MTFMT: variants seen among roughly 807,000 people sequenced by gnomAD.
The protein encoded by MTFMT is methionyl-tRNA formyltransferase, mitochondrial.
Under a neutral mutation model 51.8 loss-of-function variants are expected in MTFMT, and 47 were observed. The ratio of observed to expected loss-of-function variants is 0.91; its 90% CI spans 0.72 to 1.16. MTFMT has a LOEUF of 1.16. MTFMT is among the 50% of genes most tolerant of loss of function. MTFMT has a pLI of 0.00. For missense variants in MTFMT, 512 were observed against 482.3 expected, an observed-to-expected ratio of 1.06 and a Z score of -0.58; for synonymous variants, 196 against 176.7, an observed-to-expected ratio of 1.11 and a Z score of -0.87.
chr15:65,011,998 CTTCT>C (rs1217045491), intron 6 of MTFMT, among the ~76,000 whole-genome samples: 2 of 151,934 alleles, frequency 1.3e-5, no homozygotes, highest in East Asian at 1.9e-4. Context: ...ATTCATTTAG[CTTCT>C]TTAACTTTTA....
At position 65,022,244 on chromosome 15, in the gene MTFMT, C is replaced by T. The variant is rs190004149; in HGVS notation, c.543-628G>A. ...TTGGGAGGCCAAGGTGGGTGGATCA[C>T]GAGGTCAAGAGATCCTGGCCAACAT... On this transcript the variant is annotated intron_variant, in intron 3 of 8. Coordinates refer to ENST00000220058, the MANE Select transcript of MTFMT (RefSeq NM_139242.4). Among the ~76,000 whole-genome samples the T allele has an allele frequency of 6.2e-3, 944 of 152,136 alleles. 7 individuals are homozygous for T. Among genetic ancestry groups the T allele is most frequent in the African/African-American group, 0.021 (881 of 41,506 alleles).
chr15:65,013,908 G>A (rs539771797), intron 6 of MTFMT, among the ~76,000 whole-genome samples: 8 of 150,704 alleles, frequency 5.3e-5, no homozygotes, highest in Admixed American at 2.0e-4. Flanking sequence ...GCACAGTTGC[G>A]CTCCAGCCTA....
intron 5 of MTFMT, among the ~76,000 whole-genome samples, chr15:65,017,321 C>G (rs937566069): frequency 7.2e-5 from 11 of 151,946 alleles, no homozygotes; most frequent in African/African-American, 2.7e-4. Context: ...AAAAGATCTT[C>G]AACATTACTG....
chr15:65,012,204 T>A (rs1322079104), intron 6 of MTFMT, among the ~76,000 whole-genome samples: 2 of 147,034 alleles, frequency 1.4e-5, no homozygotes, highest in East Asian at 4.0e-4. Flanking sequence ...ATATACCTCA[T>A]GTAAATGATG....
chr15:65,011,237 G>A (rs1322782498), intron 6 of MTFMT, among the ~76,000 whole-genome samples: 1 of 152,048 alleles, frequency 6.6e-6, no homozygotes, highest in East Asian at 1.9e-4. Flanking sequence ...CAGGAGAATC[G>A]CTTGAATCCA....
chr15:65,013,472 G>A (rs1337768005), intron 6 of MTFMT, among the ~76,000 whole-genome samples: 1 of 152,074 alleles, frequency 6.6e-6, no homozygotes, highest in African/African-American at 2.4e-5. Context: ...TTATCAAGTT[G>A]AGGAAATGCT....
At chr15:65,025,984 G>C (rs2086420080) in intron 2 of MTFMT, 1 of 152,162 alleles carries the variant, frequency 6.6e-6, no homozygotes, top group African/African-American at 2.4e-5. Context: ...GCCAAATATG[G>C]CTGTGCCCAG....
At chr15:65,012,824 C>T (rs567949281) in intron 6 of MTFMT, among the ~76,000 whole-genome samples, 20 of 152,210 alleles carry the variant, frequency 1.3e-4, no homozygotes, top group African/African-American at 4.1e-4. Context: ...TTAGTTTTGG[C>T]TATTCTGGGC....
intron 6 of MTFMT, among the ~76,000 whole-genome samples, chr15:65,006,501 C>G (rs916764748): frequency 6.6e-6 from 1 of 151,932 alleles, no homozygotes; most frequent in Admixed American, 6.6e-5. Flanking sequence ...TTCAGCCTCC[C>G]GAGTAGCTGG....
chr15:65,016,332 G>T, intron 6 of MTFMT, 104 bp downstream of exon 6: 2 of 660,240 alleles, frequency 3.0e-6, no homozygotes, highest in South Asian at 2.3e-5. Flanking sequence ...CTTTTATTTG[G>T]GATATTTTTA....
intron 5 of MTFMT, among the ~76,000 whole-genome samples, chr15:65,019,861 C>T (rs551957897): frequency 6.6e-6 from 1 of 151,918 alleles, no homozygotes; most frequent in Admixed American, 6.6e-5. Context: ...AATGAATAAG[C>T]AGAATTTAAA....
At chr15:65,029,353 C>T in intron 1 of MTFMT, 52 bp downstream of exon 1, 1 of 1,354,978 alleles carries the variant, frequency 7.4e-7, no homozygotes, top group Non-Finnish European at 9.5e-7. Flanking sequence ...GCCGCCCGGG[C>T]GCGGCCTGGA....
At chr15:65,006,857 T>A (rs960721671) in intron 6 of MTFMT, among the ~76,000 whole-genome samples, 1 of 152,194 alleles carries the variant, frequency 6.6e-6, no homozygotes, top group African/African-American at 2.4e-5. Flanking sequence ...AAGTTTGATG[T>A]GCATTTCCCT....
At chr15:65,023,965 C>G (rs907417444) in intron 2 of MTFMT, among the ~76,000 whole-genome samples, 171 bp from the exon 3 acceptor site, 1 of 152,208 alleles carries the variant, frequency 6.6e-6, no homozygotes, top group Non-Finnish European at 1.5e-5. Context: ...CATGTAAATT[C>G]ACTCTCTTAC....
intron 2 of MTFMT, among the ~76,000 whole-genome samples, chr15:65,024,544 C>T (rs2086405293): frequency 6.6e-6 from 1 of 150,448 alleles, no homozygotes; most frequent in Non-Finnish European, 1.5e-5. Flanking sequence ...GAGACAGGGT[C>T]TCGCTCTGTT....
intron 1 of MTFMT, chr15:65,029,149 G>A: frequency 2.0e-6 from 1 of 502,534 alleles, no homozygotes; most frequent in Non-Finnish European, 2.6e-6. Flanking sequence ...TCGGCACAGC[G>A]TGGGTGGCAG....
chr15:65,007,997 C>G (rs1447191220), intron 6 of MTFMT, among the ~76,000 whole-genome samples: 1 of 152,010 alleles, frequency 6.6e-6, no homozygotes, highest in African/African-American at 2.4e-5. Context: ...CTTAAAAAGG[C>G]CTACCCCACA....
chr15:65,010,548 G>C lies in MTFMT; in HGVS notation c.814-4357C>G, dbSNP rs2086255618. On this transcript the variant is annotated intron_variant, in intron 6 of 8. Coordinates refer to ENST00000220058, the MANE Select transcript of MTFMT (RefSeq NM_139242.4). ...TAAGCATGTGATTATGGTTATGGCT[G>C]AGTATTAATAATATTCCACCGTATG... 2.6e-5 allele frequency among the ~76,000 whole-genome samples: 4 copies of C among 152,142 alleles called. No homozygotes were observed. The South Asian group carries it at 8.3e-4, about 31-fold the overall frequency.
rs1595887580 is a variant in MTFMT, at chr15:65,005,024, G to A, written c.893-88C>T. On this transcript the variant is annotated intron_variant, in intron 7 of 8. Transcript: ENST00000220058. ...CTTCTTAAAAATCAAAAAACATCTT[G>A]GGAGGCAGTACTGATACCGGAGAGA... is the stretch of plus-strand genomic sequence containing the variant. 7.7e-6 allele frequency: 7 copies of A among 914,576 alleles called. No individual in the cohort carries two copies. In the East Asian group the frequency reaches 1.7e-4, roughly 23 times the overall value. 56.7% of individuals were successfully genotyped at this position (914,576 alleles called of 1,614,324 possible).
Sources: gnomAD v4.1 joint callset for allele counts (sites outside exome capture counted in the v4.1 genomes callset) on GRCh38, gnomAD v4.1.1 for gene constraint, MANE v1.5 for transcripts, NCBI Gene and HGNC (gene_info 2026-07-23, HGNC 2026-07-21) for gene names.